The following WBP2NL variants were observed in gnomAD, a reference collection of about 807,000 sequenced individuals.
WBP2NL encodes the protein WBP2 N-terminal like.
Under a neutral mutation model 23.3 loss-of-function variants are expected in WBP2NL, and 27 were observed. The observed-to-expected ratio is 1.16, with a 90% CI of 0.85 to 1.60. The LOEUF is 1.60. Ranked by LOEUF, WBP2NL falls within the 40% of genes most tolerant of loss-of-function variation. The pLI, the probability that WBP2NL is intolerant of heterozygous loss-of-function variation, is 0.00. For missense variants in WBP2NL, 370 were observed against 389.5 expected, an observed-to-expected ratio of 0.95 and a Z score of 0.42; for synonymous variants, 151 against 145.9, an observed-to-expected ratio of 1.03 and a Z score of -0.25.
chr22:42,053,625 A>T (rs1239440903), intron 8 of WBP2NL, among the ~76,000 whole-genome samples: 1 of 151,792 alleles, frequency 6.6e-6, no homozygotes, highest in East Asian at 1.9e-4. Flanking sequence ...ATGCCTGGCT[A>T]ATTTTTGTAT....
At chr22:42,021,539 G>A (rs1923975080) in intron 4 of WBP2NL, among the ~76,000 whole-genome samples, 1 of 152,162 alleles carries the variant, frequency 6.6e-6, no homozygotes, top group Non-Finnish European at 1.5e-5. Context: ...CATCACAAGT[G>A]TTCTTATAAG....
At chr22:42,004,016 A>G (rs914565560) in intron 1 of WBP2NL, among the ~76,000 whole-genome samples, 5 of 152,236 alleles carry the variant, frequency 3.3e-5, no homozygotes, top group Admixed American at 2.0e-4. Flanking sequence ...TCACGCCTGC[A>G]GTCCCAGTAC....
At chr22:42,013,569 G>T (rs991241137) in intron 1 of WBP2NL, among the ~76,000 whole-genome samples, 1 of 152,054 alleles carries the variant, frequency 6.6e-6, no homozygotes, top group Non-Finnish European at 1.5e-5. Flanking sequence ...TGTTGCACTT[G>T]GATGTGTAGA....
intron 8 of WBP2NL, among the ~76,000 whole-genome samples, chr22:42,053,452 C>G (rs2146826072): frequency 6.8e-6 from 1 of 147,956 alleles, no homozygotes; most frequent in South Asian, 2.1e-4. Context: ...TTTTTTTCCT[C>G]TTTTTCTTTT....
At chr22:42,024,450 A>G (rs1314962355) in intron 5 of WBP2NL, among the ~76,000 whole-genome samples, 1 of 152,188 alleles carries the variant, frequency 6.6e-6, no homozygotes, top group East Asian at 1.9e-4. Context: ...ATTCCTGTGT[A>G]AATGTAAGTG....
At chr22:42,001,260 A>C in intron 1 of WBP2NL, 1 of 682,764 alleles carries the variant, frequency 1.5e-6, no homozygotes, top group Non-Finnish European at 2.7e-6. Context: ...ATCATGTAGC[A>C]GCAAATGGTG....
chr22:42,004,930 A>G (rs1234567668), intron 1 of WBP2NL, among the ~76,000 whole-genome samples: 1 of 151,942 alleles, frequency 6.6e-6, no homozygotes, highest in Non-Finnish European at 1.5e-5. Context: ...GTCTCAAAAA[A>G]TAAATAGGCT....
chr22:42,001,846 C>T, intron 1 of WBP2NL: 2 of 1,368,986 alleles, frequency 1.5e-6, no homozygotes, highest in Non-Finnish European at 2.0e-6. Context: ...TGCTTGCTGG[C>T]ATGCTGCACC....
In WBP2NL at chr22:42,012,142, C is replaced by G. The variant is rs1034066847; in HGVS notation, c.63-7169C>G. ...TTGAGACTTCTCTCTTTTTCTTAAT[C>G]TAGCTAAGAGTTTGTCAAGTTTGTT... On this transcript the variant is annotated intron_variant, in intron 1 of 5. Coordinates refer to ENST00000328823, the MANE Select transcript of WBP2NL (RefSeq NM_152613.3). Among the ~76,000 whole-genome samples, 13 of 152,274 alleles carry G rather than the reference C, an allele frequency of 8.5e-5. No homozygotes were observed. In the South Asian group the frequency reaches 1.2e-3, roughly 15 times the overall value.
At chr22:42,015,475 T>C (rs1021745193) in intron 1 of WBP2NL, among the ~76,000 whole-genome samples, 14 of 152,130 alleles carry the variant, frequency 9.2e-5, no homozygotes, top group Non-Finnish European at 2.9e-5. Flanking sequence ...TGATCTTGGC[T>C]CACTGCAACC....
In WBP2NL at chr22:42,053,164, A is replaced by G. The variant is rs113099545; in HGVS notation, c.*274-5126A>G. On this transcript the variant is annotated intron_variant and NMD_transcript_variant, in intron 8 of 8. Coordinates refer to the WBP2NL transcript ENST00000436265. ...GTTCAACCGTGTTGTGGCATGTGTC[A>G]CTATGGATATACTGTGTGGATTGCA... Among the ~76,000 whole-genome samples the G allele has an allele frequency of 3.7e-3, 563 of 152,300 alleles. 2 individuals carry two copies. Among genetic ancestry groups the G allele is most frequent in the Middle Eastern group, 0.024 (7 of 294 alleles).
chr22:42,033,887 A>G (rs934606699), downstream of WBP2NL, among the ~76,000 whole-genome samples: 1 of 152,232 alleles, frequency 6.6e-6, no homozygotes. Context: ...CAGAAAAGCC[A>G]TCACAAGTTC....
intron 1 of WBP2NL, among the ~76,000 whole-genome samples, chr22:41,999,353 G>A (rs558812721): frequency 1.2e-4 from 19 of 152,334 alleles, no homozygotes; most frequent in African/African-American, 4.3e-4. Flanking sequence ...TGGTAAGAGG[G>A]ATGAGGAGGT....
At chr22:42,021,981 G>T (rs61555860) in intron 4 of WBP2NL, among the ~76,000 whole-genome samples, 25 of 151,584 alleles carry the variant, frequency 1.6e-4, no homozygotes, top group Non-Finnish European at 1.3e-4. Context: ...AAAATTTTTT[G>T]TAGAGATAGG....
At chr22:42,054,556 TTA>T (rs1247124614) in intron 8 of WBP2NL, among the ~76,000 whole-genome samples, 1 of 152,122 alleles carries the variant, frequency 6.6e-6, no homozygotes, top group African/African-American at 2.4e-5. Context: ...AGATTTATAC[TTA>T]TGTTTTATTC....
chr22:42,037,356 T>C (rs1478501464), downstream of WBP2NL, among the ~76,000 whole-genome samples: 10 of 152,182 alleles, frequency 6.6e-5, no homozygotes, highest in African/African-American at 2.4e-4. Context: ...CTTTGTAAGA[T>C]AGATAATTTG....
intron 8 of WBP2NL, among the ~76,000 whole-genome samples, chr22:42,057,706 T>C (rs1258255630): frequency 6.6e-6 from 1 of 150,860 alleles, no homozygotes; most frequent in East Asian, 1.9e-4. Flanking sequence ...ACTATTTTAC[T>C]GGATCTTGAT....
In WBP2NL at chr22:42,019,415, A is replaced by G; in HGVS notation, c.167A>G (p.Tyr56Cys). 1 of 1,612,572 alleles carries G rather than the reference A, an allele frequency of 6.2e-7. No homozygotes were observed. ...RKTGTLFLTS[Y>C]RVIFITSCSI... ...ACAGGAACATTGTTTCTCACTTCAT[A>G]CCGGGTAATTTCTACTTCTACTTTA... Residue 56 changes from tyrosine to cysteine, a missense_variant, in exon 2 of 6, where the codon TAC becomes TGC. Tyr to Cys is a radical substitution (Grantham distance 194). Coordinates refer to ENST00000328823, the MANE Select transcript of WBP2NL (RefSeq NM_152613.3).
chr22:42,011,396 G>T (rs536486080), intron 1 of WBP2NL, among the ~76,000 whole-genome samples: 1 of 152,190 alleles, frequency 6.6e-6, no homozygotes, highest in African/African-American at 2.4e-5. Flanking sequence ...TGGGACTACA[G>T]ATGTGTGCCA....
Sources: allele counts gnomAD v4.1 joint callset (sites outside exome capture counted in the v4.1 genomes callset), GRCh38; gene constraint gnomAD v4.1.1; transcripts MANE v1.5; gene names NCBI Gene and HGNC (gene_info 2026-07-23, HGNC 2026-07-21).